The following SDK1 variants were observed in gnomAD, a reference collection of about 807,000 sequenced individuals.
SDK1 encodes protein sidekick-1.
In SDK1, 157 loss-of-function variants were observed where a neutral mutation model predicts 245.5. That is an observed-to-expected ratio of 0.64 (90% CI 0.56 to 0.73). SDK1 has a LOEUF of 0.73. Ranked by LOEUF, SDK1 falls within the 30% of genes least tolerant of loss-of-function variation. The probability of loss-of-function intolerance (pLI) is 0.00; values close to 1 mark genes in which losing one functional copy is unlikely to be tolerated. For synonymous variants in SDK1, 1,647 were observed against 1,278.5 expected (o/e 1.29, Z -6.15); for missense variants, 3,583 against 3,002.3 (o/e 1.19, Z -4.52).
rs185751451 is a variant in SDK1 at position 3,616,930 on chromosome 7, G to A, written c.299-2150G>A. ...ATGACTTCTTGAAAAGAAATTTTCCGTATTAAGGAAATATGTGACATTTGG... is the reference window on the plus strand; with the variant it reads ...ATGACTTCTTGAAAAGAAATTTTCCATATTAAGGAAATATGTGACATTTGG... On this transcript the variant is annotated intron_variant, in intron 1 of 44. Transcript: ENST00000404826. Among the ~76,000 whole-genome samples the A allele has an allele frequency of 2.5e-3, 375 of 152,188 alleles. 3 individuals are homozygous for A. The highest frequency in any genetic ancestry group is 0.018 in the South Asian group (85 of 4,826).
chr7:3,670,168 G>A (rs62437912), intron 4 of SDK1, among the ~76,000 whole-genome samples: 1,655 of 152,240 alleles, frequency 0.011, 13 homozygotes, highest in Middle Eastern at 0.031. Flanking sequence ...TCCCCATGCT[G>A]TGGTCAGAAT....
intron 1 of SDK1, among the ~76,000 whole-genome samples, chr7:3,440,695 G>T (rs1245459891): frequency 6.6e-6 from 1 of 152,174 alleles, no homozygotes; most frequent in African/African-American, 2.4e-5. Flanking sequence ...GAAGGAAAGA[G>T]AAAAATATGC....
intron 5 of SDK1, among the ~76,000 whole-genome samples, chr7:3,905,311 A>G (rs1409817759): frequency 6.6e-6 from 1 of 152,124 alleles, no homozygotes; most frequent in African/African-American, 2.4e-5. Flanking sequence ...ATATTTGTGC[A>G]TTATTTTTGT....
chr7:3,504,182 ATGTGTGTG>A lies in SDK1; in HGVS notation c.299-114874_299-114867del, dbSNP rs56306302. ...AACCAAAAAAATTATATATATATAT[ATGTGTGTG>A]TGTGTGTGTGTGTGTGTGTGTGTAG... On this transcript the variant is annotated intron_variant, in intron 1 of 44. Transcript: ENST00000404826. Among the ~76,000 whole-genome samples, 17 of 131,942 alleles carry A rather than the reference ATGTGTGTG, an allele frequency of 1.3e-4. No individual in the cohort carries two copies. The South Asian group carries it at 2.5e-3, about 20-fold the overall frequency. The allele number at this position is 131,942 out of a possible 152,430, so 86.6% of individuals were successfully genotyped here. A position where few individuals can be genotyped will look rare whatever the true frequency, so the allele number is the denominator to read the frequency against.
intron 4 of SDK1, among the ~76,000 whole-genome samples, chr7:3,660,303 C>T (rs971051678): frequency 2.6e-5 from 4 of 151,846 alleles, no homozygotes; most frequent in African/African-American, 9.7e-5. Flanking sequence ...ATACCATGGA[C>T]CACCAAGAAG....
intron 1 of SDK1, among the ~76,000 whole-genome samples, chr7:3,551,365 C>T (rs964168752): frequency 1.3e-5 from 2 of 152,074 alleles, no homozygotes; most frequent in Admixed American, 1.3e-4. Context: ...ATACGATATG[C>T]CAAGATTATC....
chr7:3,553,305 C>CA (rs1355552928), intron 1 of SDK1, among the ~76,000 whole-genome samples: 1 of 151,988 alleles, frequency 6.6e-6, no homozygotes, highest in Non-Finnish European at 1.5e-5. Context: ...TGCTCTATGT[C>CA]AAAAAATGAG....
intron 42 of SDK1, 61 bp downstream of exon 42, chr7:4,237,845 C>T (rs1786276395): frequency 6.9e-6 from 11 of 1,585,588 alleles, no homozygotes; most frequent in South Asian, 3.4e-5. Context: ...ACATAGCGTT[C>T]GTTCTCTCGT....
rs371314751 is a variant in SDK1, at chr7:4,210,260, C to T, written c.5539+98C>T. The stretch of plus-strand genomic sequence containing the variant: ...GCCGCACCTGACCGCTTCTGTGGGC[C>T]AGGAGCCTTCTGGCGCCTGAAGTGG... On this transcript the variant is annotated intron_variant, in intron 38 of 44. Coordinates refer to ENST00000404826, the MANE Select transcript of SDK1 (RefSeq NM_152744.4). 1.7e-5 allele frequency: 21 copies of T among 1,231,012 alleles called. 1 individual carries two copies. The African/African-American group carries it at 2.8e-4, about 16-fold the overall frequency. The allele number at this position is 1,231,012 out of a possible 1,614,324, so 76.3% of individuals were successfully genotyped here. A position where few individuals can be genotyped will look rare whatever the true frequency, so the allele number is the denominator to read the frequency against.
rs6960569 is a variant in SDK1 at position 3,809,170 on chromosome 7, A to T, written c.714-12280A>T. 3.7e-3 allele frequency among the ~76,000 whole-genome samples: 557 copies of T among 152,164 alleles called. 5 individuals are homozygous for T. The highest frequency in any genetic ancestry group is 0.013 in the African/African-American group (544 of 41,500). The stretch of plus-strand genomic sequence containing the variant: ...TCATGGCAGAAGGCAAAGGGGGAGG[A>T]GGCGCGCTACATGGCGAGAGCAGGA... On this transcript the variant is annotated intron_variant, in intron 4 of 44. Transcript: ENST00000404826.
At chr7:4,122,285 C>T (rs914349839) in intron 25 of SDK1, among the ~76,000 whole-genome samples, 1 of 152,158 alleles carries the variant, frequency 6.6e-6, no homozygotes, top group African/African-American at 2.4e-5. Flanking sequence ...TTACTCTCCC[C>T]AGCAGAAAAC....
intron 39 of SDK1, among the ~76,000 whole-genome samples, chr7:4,220,780 T>G (rs1213603757): frequency 6.6e-6 from 1 of 151,826 alleles, no homozygotes; most frequent in Non-Finnish European, 1.5e-5. Context: ...TTTGTTGTTG[T>G]TTGTTTTTTG....
intron 1 of SDK1, among the ~76,000 whole-genome samples, chr7:3,560,070 GTGT>G (rs1376052611): frequency 6.6e-6 from 1 of 152,200 alleles, no homozygotes; most frequent in Non-Finnish European, 1.5e-5. Flanking sequence ...TTGAAGCCTG[GTGT>G]TTTATCTTAA....
At chr7:3,526,995 T>C (rs1170179504) in intron 1 of SDK1, among the ~76,000 whole-genome samples, 2 of 152,192 alleles carry the variant, frequency 1.3e-5, no homozygotes, top group Non-Finnish European at 2.9e-5. Flanking sequence ...TCAGCTTCAG[T>C]GTGATATAAT....
chr7:3,836,130 G>T (rs547930121), intron 5 of SDK1, among the ~76,000 whole-genome samples: 5 of 152,178 alleles, frequency 3.3e-5, no homozygotes, highest in Non-Finnish European at 5.9e-5. Context: ...CATGAGCAGG[G>T]CCCTTTGTGG....
At chr7:3,758,033 T>C (rs769059906) in intron 4 of SDK1, among the ~76,000 whole-genome samples, 1 of 152,172 alleles carries the variant, frequency 6.6e-6, no homozygotes, top group Non-Finnish European at 1.5e-5. Flanking sequence ...AAACGTATCT[T>C]TCTCATTATA....
chr7:3,888,373 T>C (rs1341467218), intron 5 of SDK1, among the ~76,000 whole-genome samples: 1 of 152,228 alleles, frequency 6.6e-6, no homozygotes, highest in Non-Finnish European at 1.5e-5. Flanking sequence ...AAATGGCTCC[T>C]GCGGAGAGCA....
intron 1 of SDK1, among the ~76,000 whole-genome samples, chr7:3,508,119 C>A (rs1025735578): frequency 2.0e-5 from 3 of 152,112 alleles, no homozygotes; most frequent in Admixed American, 2.0e-4. Flanking sequence ...TGTCCATTGT[C>A]CTTGTTGTTC....
intron 36 of SDK1, among the ~76,000 whole-genome samples, chr7:4,206,912 A>G (rs1316331395): frequency 2.6e-5 from 4 of 152,198 alleles, no homozygotes; most frequent in Admixed American, 1.3e-4. Flanking sequence ...ACCTTCCTCC[A>G]TGGCAGGGCT....
Sources: gnomAD v4.1 joint callset for allele counts (sites outside exome capture counted in the v4.1 genomes callset) on GRCh38, gnomAD v4.1.1 for gene constraint, MANE v1.5 for transcripts, NCBI Gene and HGNC (gene_info 2026-07-23, HGNC 2026-07-21) for gene names.